The following MEF2C variants were observed in gnomAD, a reference collection of about 807,000 sequenced individuals.
MEF2C encodes myocyte enhancer factor 2C.
In MEF2C, 6 loss-of-function variants were observed where a neutral mutation model predicts 50.5. The ratio of observed to expected loss-of-function variants is 0.12; its 90% confidence interval spans 0.07 to 0.23. MEF2C has a LOEUF of 0.23. MEF2C is among the 10% of genes least tolerant of loss of function. The pLI, the probability that MEF2C is intolerant of heterozygous loss-of-function variation, is 1.00. For synonymous variants in MEF2C, 183 were observed against 228.0 expected, an observed-to-expected ratio of 0.80 and a Z score of 1.78; for missense variants, 276 against 605.0, an observed-to-expected ratio of 0.46 and a Z score of 5.70.
intron 2 of MEF2C, 57 bp downstream of exon 2, chr5:88,823,676 CAT>C (rs1450275898): frequency 1.9e-5 from 27 of 1,455,928 alleles, no homozygotes; most frequent in Non-Finnish European, 2.6e-5. Context: ...GTACCCTTAA[CAT>C]ATGTGGAGAA....
intron 1 of MEF2C, chr5:88,838,842 T>A: frequency 2.1e-6 from 1 of 475,776 alleles, no homozygotes; most frequent in Non-Finnish European, 2.7e-6. Context: ...TTTATACAGT[T>A]ACCTACTTCT....
At chr5:88,732,209 GA>G (rs765808556) in intron 6 of MEF2C, among the ~76,000 whole-genome samples, 3 of 152,168 alleles carry the variant, frequency 2.0e-5, no homozygotes, top group Non-Finnish European at 4.4e-5. Context: ...CAGGGTCTAA[GA>G]AAAGCACAGA....
At chr5:88,812,668 T>C (rs1581101781) in intron 2 of MEF2C, among the ~76,000 whole-genome samples, 2 of 152,166 alleles carry the variant, frequency 1.3e-5, no homozygotes, top group African/African-American at 4.8e-5. Context: ...AGTATCTCTT[T>C]GAACTTATTC....
At chr5:88,738,589 A>C in intron 6 of MEF2C, 1 of 983,330 alleles carries the variant, frequency 1.0e-6, no homozygotes, top group South Asian at 4.7e-5. Flanking sequence ...CCATGCCCTG[A>C]AGTACAACAC....
At chr5:88,789,136 CTAT>C (rs1330598920) in intron 3 of MEF2C, among the ~76,000 whole-genome samples, 4 of 150,994 alleles carry the variant, frequency 2.6e-5, no homozygotes, top group African/African-American at 9.7e-5. Flanking sequence ...AAATAAGTTA[CTAT>C]TATTAATTCA....
At position 88,797,454 on chromosome 5, in the gene MEF2C, C is replaced by CTTTTTTTTTTTTTT. The variant is rs1169605093; in HGVS notation, c.258+7143_258+7144insAAAAAAAAAAAAAA. ...TCACAGACTAGGATTGCAACCCTTG[C>CTTTTTTTTTTTTTT]CTTTTTTTTTTTTTTTTTTTTTTTT... On this transcript the variant is annotated intron_variant, in intron 3 of 10. Coordinates refer to ENST00000504921, the MANE Select transcript of MEF2C (RefSeq NM_002397.5). 4.4e-4 allele frequency among the ~76,000 whole-genome samples: 11 copies of CTTTTTTTTTTTTTT among 25,216 alleles called. 4 individuals are homozygous for CTTTTTTTTTTTTTT. The highest frequency in any genetic ancestry group is 7.6e-4 in the Admixed American group (2 of 2,644). 16.5% of individuals were successfully genotyped at this position (25,216 alleles called of 152,430 possible). A position where few individuals can be genotyped will look rare whatever the true frequency, so the allele number is the denominator to read the frequency against.
intron 1 of MEF2C, among the ~76,000 whole-genome samples, chr5:88,859,023 G>C (rs529603760): frequency 4.6e-5 from 7 of 152,126 alleles, no homozygotes; most frequent in Admixed American, 1.3e-4. Flanking sequence ...TGCCTGTCTC[G>C]TCAGAGTGCT....
intron 1 of MEF2C, among the ~76,000 whole-genome samples, chr5:88,863,596 C>T (rs1206312298): frequency 6.6e-6 from 1 of 152,162 alleles, no homozygotes; most frequent in Admixed American, 6.5e-5. Flanking sequence ...CCTCCTGTCT[C>T]ACAGAAATTT....
At chr5:88,774,735 G>T (rs1267700534) in intron 3 of MEF2C, among the ~76,000 whole-genome samples, 1 of 152,230 alleles carries the variant, frequency 6.6e-6, no homozygotes, top group Non-Finnish European at 1.5e-5. Context: ...ACGTTCAGTT[G>T]ACTTGGGTAG....
At chr5:88,778,858 C>T (rs1462517559) in intron 3 of MEF2C, among the ~76,000 whole-genome samples, 1 of 152,184 alleles carries the variant, frequency 6.6e-6, no homozygotes. Flanking sequence ...TTGGGTTTTG[C>T]ATCTTGCCAG....
chr5:88,740,087 A>C, intron 6 of MEF2C: 5 of 985,318 alleles, frequency 5.1e-6, no homozygotes, highest in Non-Finnish European at 4.8e-6. Flanking sequence ...TGGCCATACC[A>C]GTTCAGGGGC....
intron 3 of MEF2C, among the ~76,000 whole-genome samples, chr5:88,774,520 C>T (rs6890795): frequency 0.04 from 6,146 of 152,092 alleles, 139 homozygotes; most frequent in African/African-American, 0.043. Context: ...GACGGGGTTT[C>T]ACCGTGTTAG....
At chr5:88,785,143 TA>T (rs1250752328) in intron 3 of MEF2C, among the ~76,000 whole-genome samples, 3 of 152,080 alleles carry the variant, frequency 2.0e-5, no homozygotes, top group Non-Finnish European at 4.4e-5. Context: ...GAACTGAACA[TA>T]ACAATGCTCA....
At chr5:88,751,815 C>T (rs1483370577) in intron 5 of MEF2C, 42 bp downstream of exon 5, 1 of 1,589,008 alleles carries the variant, frequency 6.3e-7, no homozygotes, top group Admixed American at 1.7e-5. Context: ...AAAATGGTTC[C>T]TTCCAACTAT....
Position 88,807,282 on chromosome 5 carries a change from G to A in MEF2C, c.55-2481C>T, listed in dbSNP as rs892485517. On this transcript the variant is annotated intron_variant, in intron 2 of 10. Transcript: ENST00000504921. The stretch of plus-strand genomic sequence containing the variant: ...CCCGTCTCCTAGGCTGGAGTGTAGC[G>A]GTACTAGAATAGCTAACTGCAGCCT... 6.6e-5 allele frequency among the ~76,000 whole-genome samples: 10 copies of A among 152,088 alleles called. No individual in the cohort carries two copies. The South Asian group carries it at 1.9e-3, about 28-fold the overall frequency.
chr5:88,773,751 C>T (rs982919153), intron 3 of MEF2C, among the ~76,000 whole-genome samples: 1 of 152,166 alleles, frequency 6.6e-6, no homozygotes, highest in Admixed American at 6.5e-5. Flanking sequence ...CAAATGTTCC[C>T]CCTTGAAAAC....
At chr5:88,838,377 G>GTT (rs34591494) in intron 1 of MEF2C, 30 of 178,590 alleles carry the variant, frequency 1.7e-4, no homozygotes, top group Non-Finnish European at 2.9e-4. Context: ...GCTGTTTTTG[G>GTT]TTTTTTTTTT....
intron 4 of MEF2C, among the ~76,000 whole-genome samples, chr5:88,754,513 A>C (rs1280792613): frequency 6.6e-6 from 1 of 151,772 alleles, no homozygotes; most frequent in Non-Finnish European, 1.5e-5. Flanking sequence ...CATAATAGTA[A>C]CTCTCTAGAT....
intron 2 of MEF2C, among the ~76,000 whole-genome samples, chr5:88,821,362 C>T (rs529445278): frequency 2.8e-4 from 43 of 151,948 alleles, no homozygotes; most frequent in Non-Finnish European, 4.4e-4. Context: ...TTTGACATCT[C>T]GGGTCCTAGT....
Sources: gnomAD v4.1 joint callset for allele counts (sites outside exome capture counted in the v4.1 genomes callset) on GRCh38, gnomAD v4.1.1 for gene constraint, MANE v1.5 for transcripts, NCBI Gene and HGNC (gene_info 2026-07-23, HGNC 2026-07-21) for gene names.